The following GFRA2 variants were observed in gnomAD, a reference collection of about 807,000 sequenced individuals.
GFRA2 encodes GDNF family receptor alpha-2.
In GFRA2, 17 loss-of-function variants were observed where a neutral mutation model predicts 48.3. The ratio of observed to expected loss-of-function variants is 0.35; its 90% CI spans 0.24 to 0.53. GFRA2 has a LOEUF of 0.53. Ranked by LOEUF, GFRA2 falls within the 20% of genes least tolerant of loss-of-function variation. GFRA2 has a pLI of 0.93. For synonymous variants in GFRA2, 305 were observed against 257.2 expected (o/e 1.19, Z -1.78); for missense variants, 660 against 637.3 (o/e 1.04, Z -0.38).
Position 21,782,887 on chromosome 8 carries a change from C to T in GFRA2, c.53G>A (p.Arg18His), listed in dbSNP as rs998092394. 2.6e-5 allele frequency: 40 copies of T among 1,556,178 alleles called. No individual in the cohort carries two copies. The Middle Eastern group carries it at 1.5e-3, about 58-fold the overall frequency. ...CLFFFLDETL[R>H]SLASPSSLQG... ...CAGGGAGGAAGGGCTGGCCAAAGAG[C>T]GGAGGGTCTCGTCTGGGTGGTGGGG... Residue 18 changes from arginine (R) to histidine (H), a missense_variant, in exon 2 of 9, where the codon CGC becomes CAC. Arg to His is a conservative substitution (Grantham distance 29). Coordinates refer to ENST00000524240, the MANE Select transcript of GFRA2 (RefSeq NM_001495.5).
intron 3 of GFRA2, among the ~76,000 whole-genome samples, chr8:21,767,711 A>G (rs976522879): frequency 0.017 from 2 of 116 alleles, no homozygotes; most frequent in Admixed American, 0.1. Flanking sequence ...TGTTATTTGG[A>G]GGGTACCCAG....
At chr8:21,727,261 C>T (rs941282806) in intron 4 of GFRA2, among the ~76,000 whole-genome samples, 1 of 152,130 alleles carries the variant, frequency 6.6e-6, no homozygotes, top group East Asian at 1.9e-4. Context: ...GACAGGCTTT[C>T]GCTCTCCAGG....
Position 21,725,265 on chromosome 8 carries a change from A to G in GFRA2, c.795-19224T>C, listed in dbSNP as rs921807185. On this transcript the variant is annotated intron_variant, in intron 4 of 8. Transcript: ENST00000524240. ...GTTGTTCTGATCGAGCTCCTGACAA[A>G]GAGTGAGACCTGCAGACCAGATCCT... Among the ~76,000 whole-genome samples, 4 of 152,332 alleles carry G rather than the reference A, an allele frequency of 2.6e-5. No homozygotes were observed. In the East Asian group the frequency reaches 7.7e-4, roughly 29 times the overall value.
chr8:21,694,074 T>TA (rs1491156518), intron 8 of GFRA2, among the ~76,000 whole-genome samples: 1,351 of 107,054 alleles, frequency 0.013, 48 homozygotes, highest in African/African-American at 0.036. Flanking sequence ...TATTTATTTA[T>TA]TTTTATATAT....
At chr8:21,761,993 A>G (rs1252975658) in intron 3 of GFRA2, among the ~76,000 whole-genome samples, 2 of 152,114 alleles carry the variant, frequency 1.3e-5, no homozygotes, top group African/African-American at 4.8e-5. Flanking sequence ...CTGGCTGGAA[A>G]GGTCCTCCCT....
At chr8:21,788,048 C>CCCCCG in intron 1 of GFRA2, 72 bp downstream of exon 1, 1 of 665,738 alleles carries the variant, frequency 1.5e-6, no homozygotes. Flanking sequence ...AGCCCCCCAC[C>CCCCCG]GGCGCTCCGC....
At position 21,711,689 on chromosome 8, in the gene GFRA2, T is replaced by TTTTTTTTTTTTTTTC. The variant is rs1554486642; in HGVS notation, c.795-5649_795-5648insGAAAAAAAAAAAAAA. ...AAATACTTACGCTAAACAGTTTTTCTTTTTTTTTTTTTTTGATCATTCTTG... is the reference window on the plus strand; with the variant it reads ...AAATACTTACGCTAAACAGTTTTTCTTTTTTTTTTTTTTTCTTTTTTTTTTTTTTGATCATTCTTG... On this transcript the variant is annotated intron_variant, in intron 4 of 8. Transcript: ENST00000524240. 2.5e-3 allele frequency among the ~76,000 whole-genome samples: 340 copies of TTTTTTTTTTTTTTTC among 133,734 alleles called. 11 individuals carry two copies. The East Asian group carries it at 0.063, about 25-fold the overall frequency. The allele number at this position is 133,734 out of a possible 152,430, so 87.7% of individuals were successfully genotyped here.
rs1802904059 is a variant in GFRA2 at position 21,709,384 on chromosome 8, T to C, written c.795-3343A>G. Among the ~76,000 whole-genome samples, 6 of 152,236 alleles carry C rather than the reference T, an allele frequency of 3.9e-5. No homozygotes were observed. In the South Asian group the frequency reaches 1.2e-3, roughly 31 times the overall value. Reference sequence around the variant, plus strand: ...TTTTGCCCTACTGGGTTTTTCCAACTAGAACACACATTCTCAGAGTGGCAG... The same window carrying C: ...TTTTGCCCTACTGGGTTTTTCCAACCAGAACACACATTCTCAGAGTGGCAG... On this transcript the variant is annotated intron_variant, in intron 4 of 8. Coordinates refer to ENST00000524240, the MANE Select transcript of GFRA2 (RefSeq NM_001495.5).
At chr8:21,803,161 T>C (rs1460203706) in intron 2 of GFRA2, among the ~76,000 whole-genome samples, 2 of 152,182 alleles carry the variant, frequency 1.3e-5, no homozygotes, top group African/African-American at 2.4e-5. Context: ...CACTCAGGGA[T>C]CCAGGCTGAC....
intron 8 of GFRA2, among the ~76,000 whole-genome samples, chr8:21,694,077 T>TTTATATA (rs1802032776): frequency 1.2e-4 from 13 of 109,284 alleles, no homozygotes; most frequent in African/African-American, 1.3e-4. Flanking sequence ...TTATTTATTT[T>TTTATATA]TATATATATA....
At position 21,788,518 on chromosome 8, in the gene GFRA2, T is replaced by G; in HGVS notation, c.-359A>C. The G allele has an allele frequency of 4.8e-6, 5 of 1,039,048 alleles. No homozygotes were observed. Among genetic ancestry groups the G allele is most frequent in the South Asian group, 4.4e-5 (1 of 22,922 alleles). 64.4% of individuals were successfully genotyped at this position (1,039,048 alleles called of 1,614,324 possible). A position where few individuals can be genotyped will look rare whatever the true frequency, so the allele number is the denominator to read the frequency against. On this transcript the variant is annotated 5_prime_UTR_variant, in exon 1 of 9. Transcript: ENST00000524240. ...CCCCGCGGGTCCAATTCCCCTGCGC[T>G]TCCCAGGAGGGGCCTGGGGAGGTGG... is the stretch of plus-strand genomic sequence containing the variant.
chr8:21,803,664 ACT>A (rs1411919744), intron 2 of GFRA2, among the ~76,000 whole-genome samples: 1 of 152,104 alleles, frequency 6.6e-6, no homozygotes, highest in Non-Finnish European at 1.5e-5. Context: ...ACAGGATCTC[ACT>A]CTGTCACCCA....
Position 21,703,022 on chromosome 8 carries a change from T to C in GFRA2, c.1046-45A>G, listed in dbSNP as rs776824096. 9.7e-6 allele frequency: 12 copies of C among 1,237,474 alleles called. No individual in the cohort carries two copies. The South Asian group carries it at 1.9e-4, about 19-fold the overall frequency. The allele number at this position is 1,237,474 out of a possible 1,614,324, so 76.7% of individuals were successfully genotyped here. ...AGATGCAGAGAAGTCAGAACCCACG[T>C]CCGTCACTCCTGTCCCTGCTCCTCA... On this transcript the variant is annotated intron_variant, in intron 6 of 8. Transcript: ENST00000524240.
intron 3 of GFRA2, among the ~76,000 whole-genome samples, chr8:21,763,764 C>T (rs554702139): frequency 1.3e-4 from 19 of 151,954 alleles, no homozygotes; most frequent in African/African-American, 1.9e-4. Flanking sequence ...CTCCCTCATC[C>T]GTCCCCCTAC....
intron 3 of GFRA2, among the ~76,000 whole-genome samples, chr8:21,759,236 A>G (rs900000157): frequency 6.6e-6 from 1 of 151,938 alleles, no homozygotes; most frequent in African/African-American, 2.4e-5. Context: ...AAACACAAAA[A>G]TGAGTTGGGA....
At chr8:21,763,411 C>T (rs770978205) in intron 3 of GFRA2, among the ~76,000 whole-genome samples, 1 of 152,064 alleles carries the variant, frequency 6.6e-6, no homozygotes, top group African/African-American at 2.4e-5. Flanking sequence ...ACTCACCAAC[C>T]CTGCCATTCC....
chr8:21,741,272 C>G (rs549756833), intron 4 of GFRA2, among the ~76,000 whole-genome samples: 4 of 152,196 alleles, frequency 2.6e-5, no homozygotes, highest in East Asian at 3.9e-4. Context: ...ACCTTTCCCC[C>G]CTTTCCCTCC....
At chr8:21,758,074 A>G (rs1029332132) in intron 3 of GFRA2, among the ~76,000 whole-genome samples, 1 of 152,128 alleles carries the variant, frequency 6.6e-6, no homozygotes, top group Admixed American at 6.5e-5. Flanking sequence ...CACAGGCCCC[A>G]CCGAGTCAGG....
intron 4 of GFRA2, among the ~76,000 whole-genome samples, chr8:21,742,334 T>C (rs1281500731): frequency 6.6e-6 from 1 of 152,264 alleles, no homozygotes; most frequent in Middle Eastern, 3.4e-3. Context: ...GATCTCTCTC[T>C]TTCTCTCCTC....
Sources: allele counts gnomAD v4.1 joint callset (sites outside exome capture counted in the v4.1 genomes callset), GRCh38; gene constraint gnomAD v4.1.1; transcripts MANE v1.5; gene names NCBI Gene and HGNC (gene_info 2026-07-23, HGNC 2026-07-21).